Variants in KALRN observed in about 807,000 individuals in gnomAD.
The protein encoded by KALRN is kalirin.
In KALRN, 70 loss-of-function variants were observed where a neutral mutation model predicts 353.7. The ratio of observed to expected loss-of-function variants is 0.20; its 90% confidence interval spans 0.16 to 0.24. The LOEUF is 0.24. Among genes scored for constraint, KALRN ranks in the 10% least tolerant of loss-of-function variants. KALRN has a pLI of 1.00. For synonymous variants in KALRN, 1,391 were observed against 1,434.8 expected (o/e 0.97, Z 0.69); for missense variants, 2,791 against 3,756.7 (o/e 0.74, Z 6.72).
chr3:124,483,509 G>T (rs6794825), intron 28 of KALRN, among the ~76,000 whole-genome samples: 29,289 of 152,154 alleles, frequency 0.19, 3,093 homozygotes, highest in South Asian at 0.3. Context: ...CCGAGATCGT[G>T]TCACTGAACT....
chr3:124,163,399 C>T (rs1240529577), intron 1 of KALRN: 2 of 156,400 alleles, frequency 1.3e-5, no homozygotes, highest in Non-Finnish European at 2.8e-5. Context: ...ATAAGGGAAC[C>T]ACCACATGTA....
At position 124,505,416 on chromosome 3, in the gene KALRN, G is replaced by A. The variant is rs145963652; in HGVS notation, c.4935+9003G>A. 6.4e-3 allele frequency among the ~76,000 whole-genome samples: 977 copies of A among 152,264 alleles called. 6 individuals carry two copies. The highest frequency in any genetic ancestry group is 0.01 in the Non-Finnish European group (713 of 68,016). On this transcript the variant is annotated intron_variant, in intron 33 of 59. Coordinates refer to ENST00000682506, the MANE Select transcript of KALRN (RefSeq NM_001388419.1). ...AGGCCAAGGTGGGTGGATCAGCTGAGTCTAGGAGCTCAAGACCAGCCTGGG... is the reference window on the plus strand; with the variant it reads ...AGGCCAAGGTGGGTGGATCAGCTGAATCTAGGAGCTCAAGACCAGCCTGGG...
chr3:124,527,872 A>G (rs1234438901), intron 33 of KALRN, among the ~76,000 whole-genome samples: 1 of 152,152 alleles, frequency 6.6e-6, no homozygotes, highest in African/African-American at 2.4e-5. Flanking sequence ...GACCTCACCT[A>G]TGGTGTGGTT....
chr3:124,205,416 C>T (rs529457735), intron 1 of KALRN, among the ~76,000 whole-genome samples: 21 of 152,254 alleles, frequency 1.4e-4, no homozygotes, highest in South Asian at 4.2e-4. Context: ...ACTTGACAGT[C>T]GTGTGACCTT....
At chr3:124,057,814 G>A (rs538691983) in intron 1 of KALRN, among the ~76,000 whole-genome samples, 33 of 152,154 alleles carry the variant, frequency 2.2e-4, no homozygotes, top group Non-Finnish European at 4.9e-4. Context: ...CAAGTATCCA[G>A]GTTTATTCCC....
At chr3:124,649,350 C>T (rs2083122366) in intron 37 of KALRN, among the ~76,000 whole-genome samples, 1 of 152,206 alleles carries the variant, frequency 6.6e-6, no homozygotes, top group South Asian at 2.1e-4. Flanking sequence ...TGAAGCCTTT[C>T]ATTCCTACCT....
intron 37 of KALRN, among the ~76,000 whole-genome samples, chr3:124,649,149 T>C (rs987797971): frequency 1.3e-5 from 2 of 152,204 alleles, no homozygotes; most frequent in African/African-American, 4.8e-5. Context: ...TGATATCTGC[T>C]TAGTGTTATG....
At chr3:124,050,335 A>G (rs1314624230) in intron 1 of KALRN, among the ~76,000 whole-genome samples, 1 of 152,230 alleles carries the variant, frequency 6.6e-6, no homozygotes, top group Non-Finnish European at 1.5e-5. Flanking sequence ...AAAGAAGCAT[A>G]TGGATCCCAG....
At chr3:124,404,168 A>AAG (rs1325881204) in intron 13 of KALRN, among the ~76,000 whole-genome samples, 2 of 148,912 alleles carry the variant, frequency 1.3e-5, no homozygotes, top group East Asian at 1.9e-4. Flanking sequence ...AAAAAAAAAA[A>AAG]AGAGAGAACT....
chr3:124,313,544 C>G (rs2078497129), intron 6 of KALRN, among the ~76,000 whole-genome samples: 1 of 152,180 alleles, frequency 6.6e-6, no homozygotes, highest in South Asian at 2.1e-4. Context: ...TTGCTCTTGG[C>G]ACCATTGTCA....
intron 1 of KALRN, among the ~76,000 whole-genome samples, chr3:124,124,332 T>G (rs1343512008): frequency 6.6e-6 from 1 of 152,194 alleles, no homozygotes; most frequent in Non-Finnish European, 1.5e-5. Flanking sequence ...AAGTAGAGCT[T>G]GAAGATGTGA....
At chr3:124,089,532 G>A (rs974980185) in intron 1 of KALRN, among the ~76,000 whole-genome samples, 4 of 152,202 alleles carry the variant, frequency 2.6e-5, no homozygotes, top group African/African-American at 9.6e-5. Context: ...AAATGAGATG[G>A]AGGAACTGCA....
chr3:124,326,204 G>A, intron 7 of KALRN, 33 bp downstream of exon 7: 1 of 1,588,080 alleles, frequency 6.3e-7, no homozygotes, highest in Non-Finnish European at 8.6e-7. Flanking sequence ...AGCTGCTGTT[G>A]GTAGGAAGGG....
At chr3:124,456,785 C>A (rs2059346549) in intron 23 of KALRN, 57 bp downstream of exon 23, 1 of 1,178,204 alleles carries the variant, frequency 8.5e-7, no homozygotes, top group African/African-American at 1.5e-5. Context: ...TGGGCTTTCA[C>A]CGCTACTTGT....
At chr3:124,316,329 C>G (rs529113998) in intron 6 of KALRN, among the ~76,000 whole-genome samples, 438 of 150,432 alleles carry the variant, frequency 2.9e-3, no homozygotes, top group Non-Finnish European at 3.9e-3. Flanking sequence ...GTGATCCTGC[C>G]TAAAGGTGAG....
At chr3:124,200,996 A>G (rs978250031) in intron 1 of KALRN, among the ~76,000 whole-genome samples, 6 of 152,218 alleles carry the variant, frequency 3.9e-5, no homozygotes, top group Non-Finnish European at 8.8e-5. Flanking sequence ...AATTTTGACT[A>G]TTGATATACA....
At position 124,661,859 on chromosome 3, in the gene KALRN, G is replaced by T. The variant is rs765371642; in HGVS notation, c.6276G>T (p.Val2092=). 54 of 1,613,702 alleles carry T rather than the reference G, an allele frequency of 3.3e-5. 1 individual carries two copies. In the South Asian group the frequency reaches 5.8e-4, roughly 17 times the overall value. The change falls in exon 45 of 60, where the codon GTG becomes GTT. Residue 2092 remains valine (V), a synonymous_variant. Coordinates refer to ENST00000682506, the MANE Select transcript of KALRN (RefSeq NM_001388419.1). ...GTTGTTCTTTCCCACAGAAAGCAGT[G>T]GAGTTAATGTGCCTTGTTCCCAAAC... ...GLECSDIEKA[V]ELMCLVPKRC...
At chr3:124,462,040 C>T in intron 24 of KALRN, 84 bp downstream of exon 24, 1 of 968,882 alleles carries the variant, frequency 1.0e-6, no homozygotes, top group Non-Finnish European at 1.7e-6. Context: ...GAATTTGGTG[C>T]TATTGGTCTT....
At chr3:124,522,881 T>G (rs925054407) in intron 33 of KALRN, among the ~76,000 whole-genome samples, 5 of 152,142 alleles carry the variant, frequency 3.3e-5, no homozygotes, top group Admixed American at 3.3e-4. Context: ...AATTGGACTA[T>G]TTTTTTGAAC....
Sources: allele counts gnomAD v4.1 joint callset (sites outside exome capture counted in the v4.1 genomes callset), GRCh38; gene constraint gnomAD v4.1.1; transcripts MANE v1.5; gene names NCBI Gene and HGNC (gene_info 2026-07-23, HGNC 2026-07-21).